The following TNRC6A variants were observed in gnomAD, a reference collection of about 807,000 sequenced individuals.
The protein encoded by TNRC6A is trinucleotide repeat containing adaptor 6A, also known as trinucleotide repeat-containing gene 6A protein.
In TNRC6A, 44 loss-of-function variants were observed where a neutral mutation model predicts 221.2. The ratio of observed to expected loss-of-function variants is 0.20; its 90% CI spans 0.16 to 0.26. The LOEUF (loss-of-function observed/expected upper bound fraction) is 0.26, where lower values mean the gene tolerates loss of function less well. Among genes scored for constraint, TNRC6A ranks in the 10% least tolerant of loss-of-function variants. TNRC6A has a pLI of 1.00. For synonymous variants in TNRC6A, 847 were observed against 838.5 expected, an observed-to-expected ratio of 1.01 and a Z score of -0.18; for missense variants, 2,199 against 2,404.4, an observed-to-expected ratio of 0.91 and a Z score of 1.79.
Position 24,755,614 on chromosome 16 carries a change from A to T in TNRC6A, c.142-2725A>T, listed in dbSNP as rs560718504. On this transcript the variant is annotated intron_variant, in intron 3 of 24. Transcript: ENST00000395799. ...GTCACACAGTGTAAGTGGCAGAGCC[A>T]GGTAGGCAGTCAGGCTTTAGATCCT... Among the ~76,000 whole-genome samples, 17 of 152,340 alleles carry T rather than the reference A, an allele frequency of 1.1e-4. 1 individual carries two copies. The South Asian group carries it at 3.1e-3, about 28-fold the overall frequency.
chr16:24,749,720 G>A (rs2057093768), intron 2 of TNRC6A, among the ~76,000 whole-genome samples: 1 of 152,136 alleles, frequency 6.6e-6, no homozygotes, highest in African/African-American at 2.4e-5. Context: ...CCTTTTTCCT[G>A]AAAGGTAATA....
upstream of TNRC6A, among the ~76,000 whole-genome samples, chr16:24,725,875 C>T (rs1289176483): frequency 6.6e-6 from 1 of 151,848 alleles, no homozygotes. Flanking sequence ...TGGCACACGT[C>T]TGTAATCCTA....
intron 1 of TNRC6A, among the ~76,000 whole-genome samples, chr16:24,616,815 G>A (rs1900378150): frequency 6.6e-6 from 1 of 152,052 alleles, no homozygotes; most frequent in African/African-American, 2.4e-5. Context: ...ATGCTACTCA[G>A]GAGCCTGAGG....
At chr16:24,742,563 G>A (rs1458643952) in intron 2 of TNRC6A, among the ~76,000 whole-genome samples, 2 of 152,152 alleles carry the variant, frequency 1.3e-5, no homozygotes, top group African/African-American at 2.4e-5. Flanking sequence ...TGTACAAGTA[G>A]GACTGTTTTT....
chr16:24,764,117 A>G (rs12930481), intron 4 of TNRC6A, among the ~76,000 whole-genome samples: 40,519 of 150,346 alleles, frequency 0.27, 5,622 homozygotes, highest in Middle Eastern at 0.33. Flanking sequence ...CCTAACCACT[A>G]TTCTGTTCTC....
At chr16:24,759,548 C>T (rs1174873503) in intron 4 of TNRC6A, among the ~76,000 whole-genome samples, 3 of 152,114 alleles carry the variant, frequency 2.0e-5, no homozygotes, top group African/African-American at 7.2e-5. Context: ...CATCTTTTGT[C>T]TCTAGAGTTG....
In TNRC6A at chr16:24,713,047, G is replaced by A. The variant is rs886260352; in HGVS notation, n.403-37679G>A. 4.6e-5 allele frequency among the ~76,000 whole-genome samples: 7 copies of A among 151,982 alleles called. No homozygotes were observed. In the East Asian group the frequency reaches 1.4e-3, roughly 29 times the overall value. The stretch of plus-strand genomic sequence containing the variant: ...TCCCATTTCAGCCTCCCAAAGAGTT[G>A]GGATTACAGGTGTATGCCACTGTGC... On this transcript the variant is annotated intron_variant and non_coding_transcript_variant, in intron 2 of 2. Transcript: ENST00000566108.
intron 2 of TNRC6A, among the ~76,000 whole-genome samples, chr16:24,679,292 C>T (rs566806572): frequency 6.6e-5 from 10 of 151,008 alleles, no homozygotes; most frequent in African/African-American, 2.2e-4. Flanking sequence ...CCACTGCGCC[C>T]GGCCAAGACA....
intron 2 of TNRC6A, among the ~76,000 whole-genome samples, chr16:24,746,309 C>G (rs969673413): frequency 2.0e-5 from 3 of 152,122 alleles, no homozygotes; most frequent in Non-Finnish European, 4.4e-5. Context: ...CCCTGTAATC[C>G]CAGTACTTTG....
rs562627017 is a variant in TNRC6A, at chr16:24,677,568, C to A, written n.402+36559C>A. 1.5e-4 allele frequency among the ~76,000 whole-genome samples: 23 copies of A among 152,268 alleles called. 1 individual carries two copies. Among genetic ancestry groups the A allele is most frequent in the Middle Eastern group, 6.8e-3 (2 of 294 alleles). ...GAGCTCCTCCCATCCGCTCACTCAC[C>A]GCCTGCAATCAGTCACAGACCATGT... On this transcript the variant is annotated intron_variant and non_coding_transcript_variant, in intron 2 of 2. Transcript: ENST00000566108.
chr16:24,791,091 A>T lies in TNRC6A; in HGVS notation c.2449A>T (p.Asn817Tyr). 1 of 1,612,742 alleles carries T rather than the reference A, an allele frequency of 6.2e-7. No homozygotes were observed. The highest frequency in any genetic ancestry group is 2.2e-5 in the East Asian group (1 of 44,866). ...DSAATGMVKS[N>Y]QWGNCKEEKA... The stretch of plus-strand genomic sequence containing the variant: ...TGCTGCTACAGGAATGGTCAAGAGC[A>T]ATCAGTGGGGGAATTGCAAAGAGGA... The change falls in exon 6 of 25, where the codon AAT (asparagine) becomes TAT (tyrosine). Residue 817 changes from asparagine (N) to tyrosine (Y), a missense_variant. Physicochemically the swap from Asn to Tyr is moderately radical, Grantham distance 143. Coordinates refer to ENST00000395799, the MANE Select transcript of TNRC6A (RefSeq NM_014494.4).
chr16:24,730,227 T>G (rs1432647220), intron 1 of TNRC6A, 26 bp from the exon 2 acceptor site: 1 of 1,589,972 alleles, frequency 6.3e-7, no homozygotes, highest in Non-Finnish European at 8.5e-7. Context: ...TTTTGTTTTG[T>G]TTTTGTTTTT....
intron 1 of TNRC6A, among the ~76,000 whole-genome samples, chr16:24,628,385 A>G (rs1486191498): frequency 6.6e-6 from 1 of 151,932 alleles, no homozygotes; most frequent in Non-Finnish European, 1.5e-5. Flanking sequence ...GCTCCATTGC[A>G]CTCCAGCCTG....
intron 2 of TNRC6A, among the ~76,000 whole-genome samples, chr16:24,690,569 C>A (rs2055735602): frequency 6.6e-6 from 1 of 152,118 alleles, no homozygotes; most frequent in Non-Finnish European, 1.5e-5. Flanking sequence ...ACTTCATCTC[C>A]ATTTCATAGA....
At chr16:24,618,492 C>T (rs1485995235) in intron 1 of TNRC6A, among the ~76,000 whole-genome samples, 1 of 152,046 alleles carries the variant, frequency 6.6e-6, no homozygotes, top group Non-Finnish European at 1.5e-5. Context: ...AAGTAGTTGA[C>T]TTGCCTAGTG....
chr16:24,803,964 GT>G, intron 11 of TNRC6A: 1 of 489,578 alleles, frequency 2.0e-6, no homozygotes, highest in South Asian at 3.4e-5. Context: ...TCTATTTCAA[GT>G]TAATTATTTC....
intron 2 of TNRC6A, among the ~76,000 whole-genome samples, chr16:24,714,587 A>G (rs549172849): frequency 7.1e-4 from 108 of 151,924 alleles, no homozygotes; most frequent in African/African-American, 2.5e-3. Context: ...TTACAGGCAT[A>G]AGCCACTGCG....
upstream of TNRC6A, among the ~76,000 whole-genome samples, chr16:24,725,802 C>T (rs1055015147): frequency 1.3e-4 from 19 of 151,946 alleles, no homozygotes; most frequent in African/African-American, 4.3e-4. Context: ...GAGTTCGAGA[C>T]CAGCCTGGCC....
chr16:24,783,478 C>T (rs1340581950), intron 5 of TNRC6A, among the ~76,000 whole-genome samples: 1 of 152,018 alleles, frequency 6.6e-6, no homozygotes, highest in Non-Finnish European at 1.5e-5. Flanking sequence ...TCGTTCAGCC[C>T]CCACATAACC....
Sources: allele counts gnomAD v4.1 joint callset (sites outside exome capture counted in the v4.1 genomes callset), GRCh38; gene constraint gnomAD v4.1.1; transcripts MANE v1.5; gene names NCBI Gene and HGNC (gene_info 2026-07-23, HGNC 2026-07-21).